Variants in GPCPD1 observed in about 807,000 individuals in gnomAD.
GPCPD1 encodes glycerophosphocholine phosphodiesterase 1.
In GPCPD1, 29 loss-of-function variants were observed where a neutral mutation model predicts 89.2. The observed-to-expected ratio is 0.33, with a 90% CI of 0.24 to 0.44. GPCPD1 has a LOEUF of 0.44. GPCPD1 is among the 20% of genes least tolerant of loss of function. The pLI is 1.00. For synonymous variants in GPCPD1, 258 were observed against 266.3 expected, an observed-to-expected ratio of 0.97 and a Z score of 0.30; for missense variants, 594 against 808.9, an observed-to-expected ratio of 0.73 and a Z score of 3.22.
rs1229772806 is a variant in GPCPD1, at chr20:5,545,039, A to G, written c.*2622T>C. On this transcript the variant is annotated 3_prime_UTR_variant, in exon 20 of 20. Transcript: ENST00000379019. ...TACAGCACATAATTCCAGAGAGTAG[A>G]AAATACCAGAGGATAATGGCGGCAT... The G allele has an allele frequency of 6.7e-6, 1 of 148,272 alleles. No homozygotes were observed. Among genetic ancestry groups the G allele is most frequent in the Non-Finnish European group, 1.5e-5 (1 of 67,604 alleles). 9.2% of individuals were successfully genotyped at this position (148,272 alleles called of 1,614,324 possible).
chr20:5,584,408 C>A (rs1292222853), intron 5 of GPCPD1, 86 bp from the exon 6 acceptor site: 15 of 655,642 alleles, frequency 2.3e-5, no homozygotes, highest in Admixed American at 4.8e-5. Context: ...CCTTAAAGAT[C>A]GTTTATAATA....
At chr20:5,585,276 CAA>C (rs1978835017) in intron 5 of GPCPD1, 2 of 151,854 alleles carry the variant, frequency 1.3e-5, no homozygotes, top group Admixed American at 1.3e-4. Flanking sequence ...TTAAAACATA[CAA>C]AAAGAAAATC....
At chr20:5,552,612 C>A (rs985876427) in intron 19 of GPCPD1, among the ~76,000 whole-genome samples, 2 of 152,132 alleles carry the variant, frequency 1.3e-5, no homozygotes, top group African/African-American at 4.8e-5. Context: ...CATATACATT[C>A]AAAAATTTGC....
chr20:5,581,379 A>G (rs915295689), intron 6 of GPCPD1, among the ~76,000 whole-genome samples: 1 of 152,224 alleles, frequency 6.6e-6, no homozygotes, highest in African/African-American at 2.4e-5. Flanking sequence ...CCATGACTAA[A>G]ATAATACAAA....
At chr20:5,554,325 G>A (rs1600713376) in intron 19 of GPCPD1, among the ~76,000 whole-genome samples, 1 of 152,200 alleles carries the variant, frequency 6.6e-6, no homozygotes, top group East Asian at 1.9e-4. Flanking sequence ...CCTTCTATTG[G>A]AAGATGCCCA....
intron 16 of GPCPD1, 123 bp from the exon 17 acceptor site, chr20:5,560,199 T>G: frequency 1.8e-6 from 1 of 541,298 alleles, no homozygotes; most frequent in Non-Finnish European, 3.2e-6. Flanking sequence ...CAACTACTAT[T>G]TTATAGATGA....
intron 4 of GPCPD1, among the ~76,000 whole-genome samples, chr20:5,589,954 G>A (rs1444435228): frequency 6.6e-6 from 1 of 152,132 alleles, no homozygotes; most frequent in African/African-American, 2.4e-5. Flanking sequence ...CTGTAGAAAT[G>A]TTTCCAAACA....
At chr20:5,554,838 A>G (rs1401473567) in intron 19 of GPCPD1, among the ~76,000 whole-genome samples, 1 of 152,242 alleles carries the variant, frequency 6.6e-6, no homozygotes, top group African/African-American at 2.4e-5. Context: ...AAAACTTTTT[A>G]TCATTCCAGA....
chr20:5,606,185 A>G (rs1380655067), intron 1 of GPCPD1, among the ~76,000 whole-genome samples: 1 of 152,228 alleles, frequency 6.6e-6, no homozygotes, highest in Non-Finnish European at 1.5e-5. Context: ...ACACACATGT[A>G]CATATAATAT....
At chr20:5,608,992 A>G (rs1980776870) in intron 1 of GPCPD1, among the ~76,000 whole-genome samples, 1 of 152,198 alleles carries the variant, frequency 6.6e-6, no homozygotes. Context: ...ATTTTACTCT[A>G]TTCTTTTCCT....
intron 17 of GPCPD1, 151 bp from the exon 18 acceptor site, chr20:5,558,970 A>AGGCGGGCAGAGCACT: frequency 1.8e-6 from 1 of 560,988 alleles, no homozygotes; most frequent in Non-Finnish European, 3.0e-6. Flanking sequence ...TGGGAGGCCA[A>AGGCGGGCAGAGCACT]GGCGGGCAGA....
intron 12 of GPCPD1, among the ~76,000 whole-genome samples, chr20:5,568,236 A>G (rs1182126179): frequency 6.7e-6 from 1 of 148,874 alleles, no homozygotes; most frequent in Non-Finnish European, 1.5e-5. Context: ...CTTAGTATAT[A>G]TATATATATA....
At chr20:5,584,021 C>A (rs1177554030) in intron 6 of GPCPD1, among the ~76,000 whole-genome samples, 1 of 152,166 alleles carries the variant, frequency 6.6e-6, no homozygotes, top group African/African-American at 2.4e-5. Context: ...TACAGTCATG[C>A]ATTGCTTAAC....
chr20:5,604,425 AT>A lies in GPCPD1; in HGVS notation c.-14del. 6.5e-7 allele frequency: 1 copy of A among 1,539,818 alleles called. No homozygotes were observed. The highest frequency in any genetic ancestry group is 8.9e-7 in the Non-Finnish European group (1 of 1,118,012). On this transcript the variant is annotated 5_prime_UTR_variant, in exon 2 of 20. Transcript: ENST00000379019. ...GAGAAGGTGTCATTCTGATGGATTTATTTTATGATGTCGTGCTAGGAAAAAA... is the reference window on the plus strand; with the variant it reads ...GAGAAGGTGTCATTCTGATGGATTTATTTATGATGTCGTGCTAGGAAAAAA...
At chr20:5,603,714 G>T (rs887977882) in intron 2 of GPCPD1, among the ~76,000 whole-genome samples, 4 of 150,938 alleles carry the variant, frequency 2.7e-5, no homozygotes, top group Admixed American at 6.6e-5. Context: ...TAGGAACAAG[G>T]TTATCCCAGC....
chr20:5,561,361 A>G, intron 16 of GPCPD1, 104 bp downstream of exon 16: 1 of 605,678 alleles, frequency 1.7e-6, no homozygotes, highest in South Asian at 2.3e-5. Flanking sequence ...AGCCACAATG[A>G]GATTTCAATT....
At chr20:5,559,859 C>T in intron 17 of GPCPD1, 81 bp downstream of exon 17, 1 of 699,646 alleles carries the variant, frequency 1.4e-6, no homozygotes. Flanking sequence ...GAAAGCTGGA[C>T]AACTACCCCA....
At chr20:5,569,529 T>G (rs1404387493) in intron 12 of GPCPD1, among the ~76,000 whole-genome samples, 1 of 151,814 alleles carries the variant, frequency 6.6e-6, no homozygotes, top group African/African-American at 2.4e-5. Flanking sequence ...CTCTTCTCCA[T>G]TCTTCTGGTC....
chr20:5,593,208 G>T, intron 4 of GPCPD1, 119 bp downstream of exon 4: 1 of 578,416 alleles, frequency 1.7e-6, no homozygotes. Context: ...TATTAATCAA[G>T]AGTTCTATTC....
Sources: allele counts gnomAD v4.1 joint callset (sites outside exome capture counted in the v4.1 genomes callset), GRCh38; gene constraint gnomAD v4.1.1; transcripts MANE v1.5; gene names NCBI Gene and HGNC (gene_info 2026-07-23, HGNC 2026-07-21).